Variants in ANAPC10 observed in about 807,000 individuals in gnomAD.
ANAPC10 encodes the protein anaphase-promoting complex subunit 10.
A neutral mutation model predicts 22.0 loss-of-function variants in ANAPC10; 12 were observed. The ratio of observed to expected loss-of-function variants is 0.55; its 90% CI spans 0.35 to 0.88. The LOEUF is 0.88. ANAPC10 is among the 40% of genes least tolerant of loss of function. ANAPC10 has a pLI of 0.01. For synonymous variants in ANAPC10, 65 were observed against 69.5 expected, an observed-to-expected ratio of 0.94 and a Z score of 0.32; for missense variants, 188 against 220.9, an observed-to-expected ratio of 0.85 and a Z score of 0.94.
chr4:145,059,629 A>C (rs183117510), intron 4 of ANAPC10, among the ~76,000 whole-genome samples: 1 of 152,262 alleles, frequency 6.6e-6, no homozygotes, highest in African/African-American at 2.4e-5. Context: ...CTCATATAAC[A>C]ATATAGAAAT....
intron 4 of ANAPC10, among the ~76,000 whole-genome samples, chr4:144,996,097 C>T (rs1478985183): frequency 1.3e-5 from 2 of 152,094 alleles, no homozygotes; most frequent in East Asian, 1.9e-4. Context: ...CGACAGGGTT[C>T]GAGGTAGCTT....
At chr4:145,094,520 G>A (rs1235553174) in intron 2 of ANAPC10, among the ~76,000 whole-genome samples, 1 of 152,152 alleles carries the variant, frequency 6.6e-6, no homozygotes, top group Non-Finnish European at 1.5e-5. Flanking sequence ...GACAGAGAAG[G>A]GAATCTTGAG....
chr4:145,097,370 C>A (rs1485737608), intron 1 of ANAPC10: 2 of 691,670 alleles, frequency 2.9e-6, no homozygotes, highest in East Asian at 6.6e-5. Context: ...TAAGTCTATT[C>A]ATATGTGAAA....
rs36071811 is a variant in ANAPC10 at position 145,037,946 on chromosome 4, CAAAAAAA to C, written c.327+26619_327+26625del. ...TGGGTGACAGAGCAAAACCCTGTCT[CAAAAAAA>C]AAAAAAAAAAAAAAATCCAGTTGAA... On this transcript the variant is annotated intron_variant, in intron 4 of 4. Coordinates refer to ENST00000507656, the MANE Select transcript of ANAPC10 (RefSeq NM_001256706.2). Among the ~76,000 whole-genome samples, 613 of 71,664 alleles carry C rather than the reference CAAAAAAA, an allele frequency of 8.6e-3. 9 individuals carry two copies. The highest frequency in any genetic ancestry group is 0.025 in the African/African-American group (555 of 22,018). 47.0% of individuals were successfully genotyped at this position (71,664 alleles called of 152,430 possible). A position where few individuals can be genotyped will look rare whatever the true frequency, so the allele number is the denominator to read the frequency against.
intron 4 of ANAPC10, among the ~76,000 whole-genome samples, chr4:145,050,385 T>A (rs564591564): frequency 6.6e-6 from 1 of 152,234 alleles, no homozygotes; most frequent in Non-Finnish European, 1.5e-5. Context: ...TTATAGCACA[T>A]GGGCAGAATA....
At chr4:145,043,576 T>C (rs1224513149) in intron 4 of ANAPC10, among the ~76,000 whole-genome samples, 1 of 152,146 alleles carries the variant, frequency 6.6e-6, no homozygotes, top group Non-Finnish European at 1.5e-5. Context: ...AAATCCCTTA[T>C]TACACATTGT....
At chr4:145,021,046 C>T (rs1393685412) in intron 4 of ANAPC10, among the ~76,000 whole-genome samples, 1 of 151,360 alleles carries the variant, frequency 6.6e-6, no homozygotes, top group Non-Finnish European at 1.5e-5. Context: ...CAAATGGAAA[C>T]ACATCCCATG....
intron 2 of ANAPC10, among the ~76,000 whole-genome samples, chr4:145,091,455 T>C (rs1481264943): frequency 6.6e-6 from 1 of 152,118 alleles, no homozygotes; most frequent in Admixed American, 6.5e-5. Context: ...TTTACAGGAA[T>C]ATTTGATACA....
intron 4 of ANAPC10, among the ~76,000 whole-genome samples, chr4:145,007,550 A>C (rs1021601122): frequency 2.6e-5 from 4 of 152,214 alleles, no homozygotes; most frequent in African/African-American, 9.7e-5. Flanking sequence ...ACTACAGGGA[A>C]ACTGAACAAC....
intron 4 of ANAPC10, among the ~76,000 whole-genome samples, chr4:145,046,260 T>G (rs1309443358): frequency 6.6e-6 from 1 of 152,112 alleles, no homozygotes; most frequent in Non-Finnish European, 1.5e-5. Context: ...TAAATAACTT[T>G]TAAAATGCCC....
intron 4 of ANAPC10, among the ~76,000 whole-genome samples, chr4:145,040,758 T>C (rs1739388717): frequency 6.6e-6 from 1 of 151,850 alleles, no homozygotes; most frequent in Non-Finnish European, 1.5e-5. Context: ...AGAATAAAAA[T>C]AAAAGAACAT....
intron 4 of ANAPC10, among the ~76,000 whole-genome samples, chr4:145,002,872 C>T (rs568217470): frequency 6.5e-5 from 9 of 139,050 alleles, no homozygotes; most frequent in African/African-American, 2.4e-4. Flanking sequence ...CTTTTTCTAA[C>T]TTTTATTTTA....
upstream of ANAPC10, chr4:145,098,366 C>G (rs1579201904): frequency 6.6e-6 from 1 of 152,492 alleles, no homozygotes; most frequent in South Asian, 2.1e-4. Context: ...AAAGTGAAGG[C>G]AAGAGCTGAT....
chr4:145,077,750 T>A (rs1745398146), intron 3 of ANAPC10, among the ~76,000 whole-genome samples: 1 of 152,150 alleles, frequency 6.6e-6, no homozygotes. Flanking sequence ...ATTCATCACA[T>A]AAACAGAACT....
At chr4:145,031,697 A>G (rs1436654612) in intron 4 of ANAPC10, among the ~76,000 whole-genome samples, 18 of 152,214 alleles carry the variant, frequency 1.2e-4, no homozygotes, top group African/African-American at 3.1e-4. Context: ...TCAGTGGCAG[A>G]TAGGGATGCT....
Position 145,008,550 on chromosome 4 carries a change from G to T in ANAPC10, c.328-12947C>A, listed in dbSNP as rs1470376268. 2.0e-5 allele frequency among the ~76,000 whole-genome samples: 3 copies of T among 152,074 alleles called. No individual in the cohort carries two copies. In the South Asian group the frequency reaches 6.2e-4, roughly 31 times the overall value. Reference sequence around the variant, plus strand: ...GTTCAACATATGCAAATCAATAAACGTAATCCATCATATAAACAGAACCAA... The same window carrying T: ...GTTCAACATATGCAAATCAATAAACTTAATCCATCATATAAACAGAACCAA... On this transcript the variant is annotated intron_variant, in intron 4 of 4. Coordinates refer to ENST00000507656, the MANE Select transcript of ANAPC10 (RefSeq NM_001256706.2).
chr4:145,022,203 A>G (rs1736058391), intron 4 of ANAPC10, among the ~76,000 whole-genome samples: 1 of 152,142 alleles, frequency 6.6e-6, no homozygotes, highest in African/African-American at 2.4e-5. Flanking sequence ...AGATACTTGC[A>G]CACACGTTTA....
chr4:145,077,359 T>C (rs976061000), intron 3 of ANAPC10, among the ~76,000 whole-genome samples: 15 of 152,086 alleles, frequency 9.9e-5, no homozygotes, highest in African/African-American at 3.6e-4. Flanking sequence ...GAAAATATAT[T>C]TGAGGATACT....
chr4:145,037,595 T>C (rs894200136), intron 4 of ANAPC10, among the ~76,000 whole-genome samples: 1 of 152,068 alleles, frequency 6.6e-6, no homozygotes, highest in African/African-American at 2.4e-5. Context: ...AAAAAGTCAC[T>C]ATAAAACACT....
Sources: gnomAD v4.1 joint callset for allele counts (sites outside exome capture counted in the v4.1 genomes callset) on GRCh38, gnomAD v4.1.1 for gene constraint, MANE v1.5 for transcripts, NCBI Gene and HGNC (gene_info 2026-07-23, HGNC 2026-07-21) for gene names.